The following TIMD4 variants were observed in gnomAD, a reference collection of about 807,000 sequenced individuals.
The protein encoded by TIMD4 is T-cell immunoglobulin and mucin domain-containing protein 4.
In TIMD4, 31 loss-of-function variants were observed where a neutral mutation model predicts 41.2. The ratio of observed to expected loss-of-function variants is 0.75; its 90% confidence interval spans 0.57 to 1.01. The LOEUF (loss-of-function observed/expected upper bound fraction) is 1.01, where lower values mean the gene tolerates loss of function less well. Among genes scored for constraint, TIMD4 ranks in the 50% least tolerant of loss-of-function variants. TIMD4 has a pLI of 0.00. For synonymous variants in TIMD4, 204 were observed against 177.1 expected (o/e 1.15, Z -1.21); for missense variants, 479 against 472.5 (o/e 1.01, Z -0.13).
chr5:156,956,405 T>C (rs571569855), intron 1 of TIMD4, among the ~76,000 whole-genome samples: 16 of 152,210 alleles, frequency 1.1e-4, no homozygotes, highest in Non-Finnish European at 2.2e-4. Context: ...CTTTCTAAAA[T>C]GAAGCATGAG....
chr5:156,961,628 C>A (rs1410881478), intron 1 of TIMD4, among the ~76,000 whole-genome samples: 1 of 144,440 alleles, frequency 6.9e-6, no homozygotes, highest in Non-Finnish European at 1.5e-5. Context: ...TATGGTGAAA[C>A]CCCGTCTCTA....
intron 1 of TIMD4, among the ~76,000 whole-genome samples, chr5:156,957,273 G>A (rs984442063): frequency 2.6e-5 from 4 of 152,088 alleles, no homozygotes; most frequent in African/African-American, 9.7e-5. Flanking sequence ...CAGCACTTTA[G>A]GAGGCAGAGG....
At chr5:156,945,152 G>A (rs1490595334) in intron 5 of TIMD4, among the ~76,000 whole-genome samples, 1 of 152,194 alleles carries the variant, frequency 6.6e-6, no homozygotes, top group African/African-American at 2.4e-5. Context: ...GTCTTATTCT[G>A]TAAGAGGCAC....
Position 156,934,544 on chromosome 5 carries a change from G to A in TIMD4, c.845-8232C>T, listed in dbSNP as rs542370419. Among the ~76,000 whole-genome samples the A allele has an allele frequency of 6.8e-3, 1,040 of 152,122 alleles. 7 individuals are homozygous for A. The highest frequency in any genetic ancestry group is 0.011 in the Non-Finnish European group (758 of 67,990). ...TGGGCTCAAGTGATCCTCCCAAGTC[G>A]TTCTCCCAAAGTGCTGAGATTACAA... On this transcript the variant is annotated intron_variant, in intron 5 of 8. Coordinates refer to ENST00000274532, the MANE Select transcript of TIMD4 (RefSeq NM_138379.3).
chr5:156,934,294 T>A (rs1003774091), intron 5 of TIMD4, among the ~76,000 whole-genome samples: 2 of 152,154 alleles, frequency 1.3e-5, no homozygotes, highest in Non-Finnish European at 2.9e-5. Flanking sequence ...CGCCTAGGCT[T>A]AAGTGCAGTG....
chr5:156,954,189 T>G (rs576145647), intron 2 of TIMD4, among the ~76,000 whole-genome samples: 3 of 152,204 alleles, frequency 2.0e-5, no homozygotes, highest in Non-Finnish European at 2.9e-5. Context: ...AGCTGCCTTT[T>G]CAGATTGACC....
chr5:156,956,254 C>G (rs146230703), intron 1 of TIMD4, among the ~76,000 whole-genome samples: 3,352 of 151,862 alleles, frequency 0.022, 58 homozygotes, highest in South Asian at 0.063. Context: ...TCGCTTATTT[C>G]ACTTTGCAGC....
chr5:156,924,308 C>G, intron 6 of TIMD4: 1 of 345,344 alleles, frequency 2.9e-6, no homozygotes, highest in South Asian at 2.6e-5. Flanking sequence ...AGGAAAGCAT[C>G]TCTCAGCTTT....
Position 156,924,635 on chromosome 5 carries a change from A to C in TIMD4, c.894+1628T>G, listed in dbSNP as rs188190502. ...TATTATATGACCAGGGTTTATGAGG[A>C]TACATAGTCGTGGAAGATTTTTGGA... On this transcript the variant is annotated intron_variant, in intron 6 of 8. Coordinates refer to ENST00000274532, the MANE Select transcript of TIMD4 (RefSeq NM_138379.3). The C allele has an allele frequency of 3.8e-3, 699 of 181,760 alleles. 9 individuals are homozygous for C. The highest frequency in any genetic ancestry group is 0.015 in the African/African-American group (621 of 42,144). 11.3% of individuals were successfully genotyped at this position (181,760 alleles called of 1,614,324 possible). A position where few individuals can be genotyped will look rare whatever the true frequency, so the allele number is the denominator to read the frequency against.
chr5:156,921,673 G>T (rs2113336964), intron 7 of TIMD4, among the ~76,000 whole-genome samples: 1 of 149,604 alleles, frequency 6.7e-6, no homozygotes, highest in East Asian at 2.0e-4. Flanking sequence ...ATTGTTCATG[G>T]TCTTCGTCCT....
At chr5:156,947,577 A>C (rs775896846) in intron 5 of TIMD4, among the ~76,000 whole-genome samples, 1 of 152,272 alleles carries the variant, frequency 6.6e-6, no homozygotes, top group Non-Finnish European at 1.5e-5. Flanking sequence ...GTGAGTACTC[A>C]TAATGTGAAA....
Position 156,954,536 on chromosome 5 carries a change from A to C in TIMD4, c.279T>G (p.Gly93=). The part of the protein sequence containing the change: ...KYRLQGTIPR[G]DVSLTILNPS... Reference sequence around the variant, plus strand: ...GGTTTAAGATGGTCAAGGAGACATCACCTCTCGGGATAGTCCCCTGAAGTC... The same window carrying C: ...GGTTTAAGATGGTCAAGGAGACATCCCCTCTCGGGATAGTCCCCTGAAGTC... Residue 93 remains glycine (G), a synonymous_variant, in exon 2 of 9, where the codon GGT becomes GGG. Coordinates refer to ENST00000274532, the MANE Select transcript of TIMD4 (RefSeq NM_138379.3). 1 of 1,614,088 alleles carries C rather than the reference A, an allele frequency of 6.2e-7. No homozygotes were observed.
At chr5:156,938,073 C>T (rs888806617) in intron 5 of TIMD4, among the ~76,000 whole-genome samples, 5 of 152,170 alleles carry the variant, frequency 3.3e-5, no homozygotes, top group African/African-American at 1.2e-4. Flanking sequence ...CCTTGATCAG[C>T]GAAAGGCTCA....
rs557122807 is a variant in TIMD4 at position 156,919,502 on chromosome 5, G to T, written c.1092C>A (p.Asp364Glu). Residue 364 changes from aspartate (D) to glutamate (E), a missense_variant, in exon 9 of 9, where the codon GAC becomes GAA. Asp to Glu is a conservative substitution (Grantham distance 45, BLOSUM62 2). Transcript: ENST00000274532. ...CTTCGTCTTCCCTTCCATGCTGCACGTCATTGAGGACATTTTTACTATCTC... is the reference window on the plus strand; with the variant it reads ...CTTCGTCTTCCCTTCCATGCTGCACTTCATTGAGGACATTTTTACTATCTC... ...YIGDSKNVLN[D>E]VQHGREDEDG... is the part of the protein sequence containing the mutation. 4 of 1,614,000 alleles carry T rather than the reference G, an allele frequency of 2.5e-6. No individual in the cohort carries two copies. Among genetic ancestry groups the T allele is most frequent in the South Asian group, 1.1e-5 (1 of 91,072 alleles).
intron 1 of TIMD4, among the ~76,000 whole-genome samples, chr5:156,956,776 C>A (rs573969405): frequency 1.1e-3 from 166 of 152,170 alleles, no homozygotes; most frequent in African/African-American, 3.9e-3. Context: ...GAGACCACAC[C>A]CTGCTCCCCC....
At position 156,926,359 on chromosome 5, in the gene TIMD4, T is replaced by C. The variant is rs917419583; in HGVS notation, c.845-47A>G. ...AATGGTTATATGTCTGGTTGGGGAA[T>C]AAAATATCACATCCTGAAATAGGTA... On this transcript the variant is annotated intron_variant, in intron 5 of 8. Coordinates refer to ENST00000274532, the MANE Select transcript of TIMD4 (RefSeq NM_138379.3). 1.9e-6 allele frequency: 3 copies of C among 1,592,338 alleles called. No homozygotes were observed. In the African/African-American group the frequency reaches 4.0e-5, roughly 21 times the overall value.
chr5:156,939,351 ATAAG>A (rs1759598759), intron 5 of TIMD4, among the ~76,000 whole-genome samples: 1 of 152,232 alleles, frequency 6.6e-6, no homozygotes, highest in African/African-American at 2.4e-5. Flanking sequence ...TTGGCATATA[ATAAG>A]TACTCAGTAA....
Position 156,919,311 on chromosome 5 carries a change from C to T in TIMD4, c.*146G>A, listed in dbSNP as rs1242827906. ...GAGAAGTTGTGGTCTCTAAAGTACC[C>T]TTCATTCATGAAACTAAAGCAAGCC... On this transcript the variant is annotated 3_prime_UTR_variant, in exon 9 of 9. Transcript: ENST00000274532. 3 of 682,306 alleles carry T rather than the reference C, an allele frequency of 4.4e-6. No individual in the cohort carries two copies. Among genetic ancestry groups the T allele is most frequent in the Non-Finnish European group, 7.6e-6 (3 of 392,564 alleles). 42.3% of individuals were successfully genotyped at this position (682,306 alleles called of 1,614,324 possible). A position where few individuals can be genotyped will look rare whatever the true frequency, so the allele number is the denominator to read the frequency against.
intron 5 of TIMD4, among the ~76,000 whole-genome samples, chr5:156,939,497 T>C (rs540830864): frequency 1.9e-4 from 29 of 152,324 alleles, no homozygotes; most frequent in Admixed American, 4.6e-4. Flanking sequence ...ATCAGTGTAG[T>C]AATTATTTTG....
Sources: allele counts gnomAD v4.1 joint callset (sites outside exome capture counted in the v4.1 genomes callset), GRCh38; gene constraint gnomAD v4.1.1; transcripts MANE v1.5; gene names NCBI Gene and HGNC (gene_info 2026-07-23, HGNC 2026-07-21).